The following STOX2 variants were observed in gnomAD, a reference collection of about 807,000 sequenced individuals.
STOX2 encodes storkhead box 2, also known as storkhead-box protein 2.
In STOX2, 28 loss-of-function variants were observed where a neutral mutation model predicts 60.9. The observed-to-expected ratio is 0.46, with a 90% confidence interval of 0.34 to 0.63. The LOEUF is 0.63. Among genes scored for constraint, STOX2 ranks in the 30% least tolerant of loss-of-function variants. The probability of loss-of-function intolerance (pLI) is 0.01; values close to 1 mark genes in which losing one functional copy is unlikely to be tolerated. For synonymous variants in STOX2, 472 were observed against 463.9 expected (o/e 1.02, Z -0.22); for missense variants, 1,024 against 1,187.7 (o/e 0.86, Z 2.03).
intron 2 of STOX2, among the ~76,000 whole-genome samples, chr4:184,006,235 C>T (rs1733818792): frequency 6.6e-6 from 1 of 152,178 alleles, no homozygotes; most frequent in African/African-American, 2.4e-5. Context: ...ATCATGAATA[C>T]TTATAAATGA....
chr4:183,818,859 C>T (rs1223922466), intron 1 of STOX2, among the ~76,000 whole-genome samples: 1 of 152,056 alleles, frequency 6.6e-6, no homozygotes, highest in Non-Finnish European at 1.5e-5. Context: ...GCGCTCCTCA[C>T]ATCCCAGACG....
rs1307421991 is a variant in STOX2, at chr4:183,865,772, C to A, written c.364+67717C>A. Among the ~76,000 whole-genome samples, 1 of 152,082 alleles carries A rather than the reference C, an allele frequency of 6.6e-6. No homozygotes were observed. The highest frequency in any genetic ancestry group is 1.5e-5 in the Non-Finnish European group (1 of 68,022). On this transcript the variant is annotated intron_variant, in intron 1 of 2. Coordinates refer to the STOX2 transcript ENST00000513034. The surrounding 1 kb of genome is among the most constrained non-coding windows in gnomAD (Gnocchi z 4.1). The stretch of plus-strand genomic sequence containing the variant: ...AATGGCATGAACACAGGCTAGAAGG[C>A]AAGAAAACCCTGGTTGTAGGTTGCA...
Position 183,906,880 on chromosome 4 carries a change from C to A in STOX2, c.90C>A (p.Ser30Arg). The A allele has an allele frequency of 6.4e-7, 1 of 1,551,252 alleles. No individual in the cohort carries two copies. The highest frequency in any genetic ancestry group is 8.7e-7 in the Non-Finnish European group (1 of 1,146,894). Reference protein sequence around the residue: ...DRASDRMRSRSEKDYRLHKRF... With the variant: ...DRASDRMRSRREKDYRLHKRF... ...CCTCGGACCGCATGAGGTCCCGCAGCGAGAAGGACTACCGCCTGCACAAGC... is the reference window on the plus strand; with the variant it reads ...CCTCGGACCGCATGAGGTCCCGCAGAGAGAAGGACTACCGCCTGCACAAGC... Residue 30 changes from serine to arginine, a missense_variant, in exon 1 of 4, where the codon AGC becomes AGA. This residue lies in a region of STOX2 where 98 missense variants were observed against 110.2 expected (regional missense o/e 0.89). Transcript: ENST00000308497.
In STOX2 at chr4:183,874,923, C is replaced by CAAA. The variant is rs869044658; in HGVS notation, c.364+76896_364+76898dup. ...CCTGGGCGATGGCGAGACTCCGCCT[C>CAAA]AAAAAAAAAAAAAAAAAAAAAAAAA... On this transcript the variant is annotated intron_variant, in intron 1 of 2. Transcript: ENST00000513034. 4.5e-3 allele frequency among the ~76,000 whole-genome samples: 93 copies of CAAA among 20,622 alleles called. 21 individuals are homozygous for CAAA. The highest frequency in any genetic ancestry group is 4.9e-3 in the Non-Finnish European group (67 of 13,576). 13.5% of individuals were successfully genotyped at this position (20,622 alleles called of 152,430 possible).
intron 1 of STOX2, among the ~76,000 whole-genome samples, chr4:183,936,631 T>A (rs534122659): frequency 2.0e-5 from 3 of 152,308 alleles, no homozygotes; most frequent in African/African-American, 7.2e-5. Context: ...TTTAAGAAAC[T>A]AATAATTTTT....
chr4:183,950,888 A>G (rs1300300686), intron 1 of STOX2, among the ~76,000 whole-genome samples: 6 of 152,038 alleles, frequency 3.9e-5, no homozygotes, highest in African/African-American at 7.2e-5. Flanking sequence ...AGCCCCCACA[A>G]CCCACGTCAT....
intron 1 of STOX2, among the ~76,000 whole-genome samples, chr4:183,847,081 CAG>C (rs1740006527): frequency 6.6e-6 from 1 of 152,212 alleles, no homozygotes; most frequent in South Asian, 2.1e-4. Context: ...AAAAAAGAAT[CAG>C]AGAGCCAGTG....
At chr4:183,922,312 TA>T (rs553464235) in intron 1 of STOX2, among the ~76,000 whole-genome samples, 78 of 146,312 alleles carry the variant, frequency 5.3e-4, no homozygotes, top group East Asian at 3.8e-3. Context: ...CAAATTGTGG[TA>T]AAAAAAAAAC....
chr4:183,999,988 G>T (rs954270157), intron 1 of STOX2, among the ~76,000 whole-genome samples: 1 of 152,214 alleles, frequency 6.6e-6, no homozygotes, highest in Admixed American at 6.5e-5. Context: ...GATTATGGAA[G>T]TACATTTAGG....
intron 1 of STOX2, among the ~76,000 whole-genome samples, chr4:183,859,437 G>A (rs1740378866): frequency 6.6e-6 from 1 of 152,242 alleles, no homozygotes; most frequent in South Asian, 2.1e-4. Flanking sequence ...ACAGAGCTCA[G>A]CTGGCAGTGA....
chr4:183,891,359 T>TATAC (rs1741208844), intron 1 of STOX2, among the ~76,000 whole-genome samples: 1 of 662 alleles, frequency 1.5e-3, no homozygotes, highest in Non-Finnish European at 3.3e-3. Flanking sequence ...TGATGGAATT[T>TATAC]ATATATATAT....
intron 1 of STOX2, among the ~76,000 whole-genome samples, chr4:183,818,581 A>G (rs1328164976): frequency 6.6e-6 from 1 of 152,210 alleles, no homozygotes; most frequent in Non-Finnish European, 1.5e-5. Context: ...CGCCATCGTC[A>G]TCATGGCCCG....
chr4:183,900,347 G>T (rs1319199290), upstream of STOX2, among the ~76,000 whole-genome samples: 1 of 152,122 alleles, frequency 6.6e-6, no homozygotes, highest in African/African-American at 2.4e-5. Flanking sequence ...GTTTCATGAG[G>T]CTGTAGCTGC....
At chr4:184,006,791 C>T (rs984942054) in intron 2 of STOX2, among the ~76,000 whole-genome samples, 21 of 150,136 alleles carry the variant, frequency 1.4e-4, no homozygotes, top group Admixed American at 5.3e-4. Flanking sequence ...CCGAGGCGGG[C>T]GGATCACGAG....
intron 1 of STOX2, among the ~76,000 whole-genome samples, chr4:183,824,304 C>T (rs902571819): frequency 2.0e-5 from 3 of 152,044 alleles, no homozygotes; most frequent in Non-Finnish European, 2.9e-5. Context: ...TGCTAATGTT[C>T]CTCATATTTT....
At position 184,009,154 on chromosome 4, in the gene STOX2, T is replaced by TTTA; in HGVS notation, c.320-4_320-3insTTA. 3 of 1,470,564 alleles carry TTTA rather than the reference T, an allele frequency of 2.0e-6. No homozygotes were observed. Among genetic ancestry groups the TTTA allele is most frequent in the South Asian group, 2.9e-5 (2 of 69,182 alleles). 91.1% of individuals were successfully genotyped at this position (1,470,564 alleles called of 1,614,324 possible). On this transcript the variant is annotated splice_region_variant and splice_polypyrimidine_tract_variant and intron_variant, in intron 2 of 3. Transcript: ENST00000308497. The surrounding 1 kb of genome is among the most constrained non-coding windows in gnomAD (Gnocchi z 4.0). The stretch of plus-strand genomic sequence containing the variant: ...ACAAGTGGTTTTTTTTTTTTTTTTT[T>TTTA]CAGGTGTTCCAACGCCAAGCCAAGA...
chr4:183,798,864 A>C, intron 1 of STOX2: 1 of 928,484 alleles, frequency 1.1e-6, no homozygotes, highest in Non-Finnish European at 1.3e-6. Context: ...CGCCTGTAGA[A>C]TATACTTTTG....
At chr4:183,924,447 C>T (rs2111106004) in intron 1 of STOX2, among the ~76,000 whole-genome samples, 1 of 152,172 alleles carries the variant, frequency 6.6e-6, no homozygotes, top group South Asian at 2.1e-4. Flanking sequence ...CAGGAAAGGA[C>T]AAGAGAGGCT....
chr4:183,873,457 A>AAG (rs1385505206), intron 1 of STOX2, among the ~76,000 whole-genome samples: 16 of 151,284 alleles, frequency 1.1e-4, no homozygotes, highest in African/African-American at 3.9e-4. Flanking sequence ...AAAAAAAAAA[A>AAG]AAAAAAAGGG....
Sources: gnomAD v4.1 joint callset for allele counts (sites outside exome capture counted in the v4.1 genomes callset) on GRCh38, gnomAD v4.1.1 for gene constraint, gnomAD v4.1.1 regional missense constraint, Gnocchi (gnomAD v3.1) non-coding constraint, MANE v1.5 for transcripts, NCBI Gene and HGNC (gene_info 2026-07-23, HGNC 2026-07-21) for gene names.